Variants in GJC1 observed in about 807,000 individuals in gnomAD.
The protein encoded by GJC1 is gap junction protein gamma 1, also known as gap junction gamma-1 protein.
In GJC1, 5 loss-of-function variants were observed where a neutral mutation model predicts 29.3. The observed-to-expected ratio is 0.17, with a 90% CI of 0.09 to 0.36. The LOEUF (loss-of-function observed/expected upper bound fraction) is 0.36. GJC1 is among the 10% of genes least tolerant of loss of function. The pLI is 1.00. For missense variants in GJC1, 310 were observed against 496.2 expected (o/e 0.62, Z 3.56); for synonymous variants, 177 against 183.3 (o/e 0.97, Z 0.28).
At chr17:44,795,781 G>A (rs1181648104), downstream of GJC1, among the ~76,000 whole-genome samples, 9 of 152,242 alleles carry the variant, frequency 5.9e-5, no homozygotes, top group African/African-American at 1.4e-4. Context: ...TAGTTTAGCC[G>A]TCTATAGGCG....
chr17:44,808,733 G>A (rs975531217), intron 1 of GJC1, among the ~76,000 whole-genome samples: 1 of 152,184 alleles, frequency 6.6e-6, no homozygotes, highest in African/African-American at 2.4e-5. Context: ...CTGCACTCCA[G>A]CCTAGGTGAC....
At chr17:44,796,515 C>A (rs138649131), downstream of GJC1, among the ~76,000 whole-genome samples, 199 of 152,288 alleles carry the variant, frequency 1.3e-3, no homozygotes, top group Non-Finnish European at 1.5e-3. Context: ...CCTTCTTGAA[C>A]AGAGGAGGTA....
At chr17:44,818,580 C>T (rs1021131509) in intron 1 of GJC1, among the ~76,000 whole-genome samples, 1 of 150,768 alleles carries the variant, frequency 6.6e-6, no homozygotes, top group East Asian at 1.9e-4. Flanking sequence ...CTGAGGCGGG[C>T]GGATCCCAAG....
At chr17:44,821,720 A>C (rs1389210309) in intron 1 of GJC1, among the ~76,000 whole-genome samples, 3,696 of 140,848 alleles carry the variant, frequency 0.026, 150 homozygotes, top group Non-Finnish European at 0.046. Flanking sequence ...AAAAAAAAAA[A>C]AAAAACAACA....
rs901565002 is a variant in GJC1, at chr17:44,800,848, G to C, written c.*3779C>G. On this transcript the variant is annotated 3_prime_UTR_variant, in exon 3 of 3. Transcript: ENST00000592524. ...CACTTCTGAGATGTACATGGCTCCT[G>C]AAACTTGAAAACAAAGCCACAAAAT... The C allele has an allele frequency of 2.0e-5, 3 of 146,938 alleles. No individual in the cohort carries two copies. Among genetic ancestry groups the C allele is most frequent in the African/African-American group, 5.1e-5 (2 of 39,598 alleles). The allele number at this position is 146,938 out of a possible 1,614,324, so 9.1% of individuals were successfully genotyped here. A position where few individuals can be genotyped will look rare whatever the true frequency, so the allele number is the denominator to read the frequency against.
At chr17:44,808,650 T>C (rs2049940248) in intron 1 of GJC1, among the ~76,000 whole-genome samples, 1 of 152,156 alleles carries the variant, frequency 6.6e-6, no homozygotes, top group Non-Finnish European at 1.5e-5. Flanking sequence ...TGGTCCCAGC[T>C]ACTTGGGAGG....
rs111881954 is a variant in GJC1 at position 44,824,101 on chromosome 17, G to A, written c.-97+5961C>T. Among the ~76,000 whole-genome samples, 565 of 151,478 alleles carry A rather than the reference G, an allele frequency of 3.7e-3. 4 individuals carry two copies. The highest frequency in any genetic ancestry group is 0.013 in the African/African-American group (535 of 41,314). Reference sequence around the variant, plus strand: ...CAGCTCACTGCAACCTCCACCTCCCGGGTTCAAGCGATTCCCCTGCCTCAG... The same window carrying A: ...CAGCTCACTGCAACCTCCACCTCCCAGGTTCAAGCGATTCCCCTGCCTCAG... On this transcript the variant is annotated intron_variant, in intron 1 of 2. Coordinates refer to ENST00000592524, the MANE Select transcript of GJC1 (RefSeq NM_005497.4).
Position 44,805,017 on chromosome 17 carries a change from C to T in GJC1, c.801G>A (p.Arg267=), listed in dbSNP as rs1252147659. ...TIRDSLNSKR[R]ELEDPGAYNY... Reference sequence around the variant, plus strand: ...TATAAGCACCCGGATCCTCAAGTTCCCTCCTTTTACTGTTTAGTGAGTCTC... The same window carrying T: ...TATAAGCACCCGGATCCTCAAGTTCTCTCCTTTTACTGTTTAGTGAGTCTC... The change falls in exon 3 of 3, where the codon AGG becomes AGA. Residue 267 remains arginine (R), a synonymous_variant. Coordinates refer to ENST00000592524, the MANE Select transcript of GJC1 (RefSeq NM_005497.4). This position sits in a 1 kb window ranked among gnomAD's most constrained non-coding sequence, Gnocchi z 5.1. 1 of 1,614,026 alleles carries T rather than the reference C, an allele frequency of 6.2e-7. No homozygotes were observed. The highest frequency in any genetic ancestry group is 1.1e-5 in the South Asian group (1 of 91,080).
intron 1 of GJC1, among the ~76,000 whole-genome samples, chr17:44,815,906 GA>G (rs1307897482): frequency 2.6e-5 from 4 of 151,938 alleles, no homozygotes; most frequent in African/African-American, 9.7e-5. Context: ...GAGGTCAGGA[GA>G]TCGAGACCAT....
At chr17:44,813,784 C>T (rs1212923935) in intron 1 of GJC1, among the ~76,000 whole-genome samples, 2 of 152,098 alleles carry the variant, frequency 1.3e-5, no homozygotes, top group African/African-American at 2.4e-5. Context: ...TGAGTCACCA[C>T]GCCCGGCCAC....
downstream of GJC1, chr17:44,795,214 A>C (rs183679170): frequency 1.3e-5 from 2 of 152,252 alleles, no homozygotes; most frequent in Non-Finnish European, 2.9e-5. Flanking sequence ...ATGATCCCGA[A>C]GTGCTAAATG....
At position 44,830,248 on chromosome 17, in the gene GJC1, CGCCGCCTCCCGCTCCCGCCGCCGCG is replaced by C. The variant is rs1392234841; in HGVS notation, c.-308_-284del. On this transcript the variant is annotated 5_prime_UTR_variant, in exon 1 of 3. Transcript: ENST00000592524. This position sits in a 1 kb window ranked among gnomAD's most constrained non-coding sequence, Gnocchi z 4.3. ...CCGCTCCCGCCGCTGCCGCCGCCGC[CGCCGCCTCCCGCTCCCGCCGCCGCG>C]ACCCGCGGGAAGGCGCCTGCGCACT... The C allele has an allele frequency of 4.4e-5, 7 of 160,040 alleles. No homozygotes were observed. The highest frequency in any genetic ancestry group is 7.3e-5 in the African/African-American group (3 of 41,298). 9.9% of individuals were successfully genotyped at this position (160,040 alleles called of 1,614,324 possible).
intron 1 of GJC1, among the ~76,000 whole-genome samples, chr17:44,811,396 T>C (rs1439289051): frequency 4.7e-5 from 7 of 148,064 alleles, no homozygotes; most frequent in African/African-American, 1.6e-4. Flanking sequence ...TTCTTTTTTT[T>C]TTTTTTTTTT....
chr17:44,826,191 G>A (rs962180798), intron 1 of GJC1, among the ~76,000 whole-genome samples: 2 of 152,086 alleles, frequency 1.3e-5, no homozygotes, highest in Non-Finnish European at 2.9e-5. Flanking sequence ...CAAAGTGCTG[G>A]GATTATAAGC....
At chr17:44,797,808 T>C (rs1159113283), downstream of GJC1, 1 of 152,224 alleles carries the variant, frequency 6.6e-6, no homozygotes, top group Non-Finnish European at 1.5e-5. Context: ...TCCAGAGTGA[T>C]TTAACTGCTC....
intron 1 of GJC1, among the ~76,000 whole-genome samples, chr17:44,824,082 A>G (rs1382796692): frequency 6.6e-6 from 1 of 151,678 alleles, no homozygotes; most frequent in Non-Finnish European, 1.5e-5. Flanking sequence ...ATCTCAGCTC[A>G]CTGCAACCTC....
intron 1 of GJC1, among the ~76,000 whole-genome samples, chr17:44,815,180 C>T (rs111822245): frequency 1.7e-3 from 263 of 151,954 alleles, no homozygotes; most frequent in African/African-American, 6.1e-3. Context: ...AGTAAAGCAC[C>T]AATTTTTTAT....
Position 44,805,845 on chromosome 17 carries a change from A to C in GJC1, c.-20-8T>G, listed in dbSNP as rs1027840403. ...TGATTGAATTGGTATGCCCTGATAA[A>C]AGTGGAAAAATACCAAAATAAAATC... is the stretch of plus-strand genomic sequence containing the variant. On this transcript the variant is annotated splice_region_variant and splice_polypyrimidine_tract_variant and intron_variant, in intron 2 of 2. Coordinates refer to ENST00000592524, the MANE Select transcript of GJC1 (RefSeq NM_005497.4). The surrounding 1 kb of genome is among the most constrained non-coding windows in gnomAD (Gnocchi z 5.1). 2 of 1,296,090 alleles carry C rather than the reference A, an allele frequency of 1.5e-6. No homozygotes were observed. Among genetic ancestry groups the C allele is most frequent in the African/African-American group, 3.0e-5 (2 of 67,118 alleles). The allele number at this position is 1,296,090 out of a possible 1,614,324, so 80.3% of individuals were successfully genotyped here. A position where few individuals can be genotyped will look rare whatever the true frequency, so the allele number is the denominator to read the frequency against.
chr17:44,810,515 C>G (rs191270072), intron 1 of GJC1, among the ~76,000 whole-genome samples: 57 of 152,224 alleles, frequency 3.7e-4, no homozygotes, highest in African/African-American at 1.2e-3. Flanking sequence ...TTTCCATAGA[C>G]AATCCTAAGA....
Sources: gnomAD v4.1 joint callset for allele counts (sites outside exome capture counted in the v4.1 genomes callset) on GRCh38, gnomAD v4.1.1 for gene constraint, Gnocchi (gnomAD v3.1) non-coding constraint, MANE v1.5 for transcripts, NCBI Gene and HGNC (gene_info 2026-07-23, HGNC 2026-07-21) for gene names.